ATP13A4: variants seen among roughly 807,000 people sequenced by gnomAD.
The protein encoded by ATP13A4 is ATPase 13A4.
Under a neutral mutation model 142.5 loss-of-function variants are expected in ATP13A4, and 114 were observed. The ratio of observed to expected loss-of-function variants is 0.80; its 90% CI spans 0.69 to 0.93. ATP13A4 has a LOEUF of 0.93. ATP13A4 is among the 40% of genes least tolerant of loss of function. The probability of loss-of-function intolerance (pLI) is 0.00; values close to 1 mark genes in which losing one functional copy is unlikely to be tolerated. For synonymous variants in ATP13A4, 488 were observed against 514.8 expected (o/e 0.95, Z 0.70); for missense variants, 1,392 against 1,454.0 (o/e 0.96, Z 0.69).
intron 28 of ATP13A4, among the ~76,000 whole-genome samples, chr3:193,408,713 C>T (rs569983312): frequency 3.3e-5 from 5 of 152,348 alleles, no homozygotes; most frequent in African/African-American, 1.2e-4. Flanking sequence ...CGTAGAAACT[C>T]CTGATGGGCA....
chr3:193,495,851 T>C (rs138267912), intron 3 of ATP13A4, among the ~76,000 whole-genome samples: 2 of 152,024 alleles, frequency 1.3e-5, no homozygotes, highest in Non-Finnish European at 2.9e-5. Flanking sequence ...TAAAAAAAAC[T>C]AATAAACAAA....
intron 18 of ATP13A4, among the ~76,000 whole-genome samples, chr3:193,443,910 C>A (rs1297787646): frequency 3.3e-5 from 5 of 151,516 alleles, no homozygotes; most frequent in Non-Finnish European, 7.4e-5. Context: ...ACCTGAAGAG[C>A]AGAGAGAAAA....
intron 1 of ATP13A4, among the ~76,000 whole-genome samples, chr3:193,545,636 C>T (rs1387048288): frequency 6.6e-6 from 1 of 152,080 alleles, no homozygotes; most frequent in East Asian, 1.9e-4. Context: ...AAATGGGCAC[C>T]CAAAATGAAT....
At chr3:193,568,343 GA>G (rs1320743636) in intron 2 of ATP13A4, among the ~76,000 whole-genome samples, 3 of 151,986 alleles carry the variant, frequency 2.0e-5, no homozygotes, top group Admixed American at 2.0e-4. Flanking sequence ...TTCTCTAGGG[GA>G]AAAAAATGGA....
intron 2 of ATP13A4, among the ~76,000 whole-genome samples, chr3:193,504,602 C>T (rs1313701399): frequency 1.3e-5 from 2 of 152,142 alleles, no homozygotes; most frequent in Non-Finnish European, 2.9e-5. Context: ...CTCCTGCTTG[C>T]CTCCTCCAGA....
intron 18 of ATP13A4, among the ~76,000 whole-genome samples, chr3:193,445,957 C>CA (rs1716926435): frequency 1.3e-5 from 1 of 74,524 alleles, no homozygotes; most frequent in Non-Finnish European, 2.5e-5. Context: ...GTGGTCTGAA[C>CA]AAACTGGGTG....
chr3:193,538,093 C>A (rs1407415469), intron 1 of ATP13A4, among the ~76,000 whole-genome samples: 1 of 152,098 alleles, frequency 6.6e-6, no homozygotes, highest in Non-Finnish European at 1.5e-5. Flanking sequence ...AAGACATTGC[C>A]AATGGGGGAA....
At chr3:193,423,815 A>C (rs531159785) in intron 25 of ATP13A4, among the ~76,000 whole-genome samples, 1 of 143,064 alleles carries the variant, frequency 7.0e-6, no homozygotes, top group African/African-American at 2.6e-5. Context: ...TAGTACTGGA[A>C]GTCCTAGCCA....
intron 18 of ATP13A4, among the ~76,000 whole-genome samples, chr3:193,444,716 T>C (rs1716841176): frequency 6.6e-6 from 1 of 152,182 alleles, no homozygotes; most frequent in African/African-American, 2.4e-5. Flanking sequence ...AGGAGAGGTA[T>C]GTATGTTGTG....
At chr3:193,409,000 C>T (rs888131414) in intron 28 of ATP13A4, among the ~76,000 whole-genome samples, 1 of 152,094 alleles carries the variant, frequency 6.6e-6, no homozygotes, top group Non-Finnish European at 1.5e-5. Flanking sequence ...GAAGAATATA[C>T]AAAATATGTC....
intron 10 of ATP13A4, among the ~76,000 whole-genome samples, chr3:193,466,723 T>C (rs1172221979): frequency 6.6e-6 from 1 of 152,262 alleles, no homozygotes. Context: ...TTCATGGACA[T>C]AGCAGAAACA....
At chr3:193,506,331 A>C (rs767612732) in intron 2 of ATP13A4, among the ~76,000 whole-genome samples, 6 of 152,214 alleles carry the variant, frequency 3.9e-5, no homozygotes, top group Non-Finnish European at 5.9e-5. Flanking sequence ...TTTACACCTC[A>C]GGTCTCATTG....
chr3:193,419,881 C>A (rs1249942836), intron 25 of ATP13A4, among the ~76,000 whole-genome samples: 1 of 150,154 alleles, frequency 6.7e-6, no homozygotes, highest in Non-Finnish European at 1.5e-5. Flanking sequence ...GATAGCTGTG[C>A]CATTTTGGGT....
At chr3:193,555,125 C>T, upstream of ATP13A4, 1 of 407,182 alleles carries the variant, frequency 2.5e-6, no homozygotes, top group South Asian at 2.1e-5. Flanking sequence ...CATTGCCTGC[C>T]CAGTGCCTGC....
At chr3:193,448,480 T>C in intron 17 of ATP13A4, 150 bp from the exon 18 acceptor site, 1 of 961,854 alleles carries the variant, frequency 1.0e-6, no homozygotes, top group Non-Finnish European at 1.6e-6. Context: ...GGATTATAGG[T>C]GCCCACCACC....
At chr3:193,429,322 G>T (rs769506449) in intron 25 of ATP13A4, among the ~76,000 whole-genome samples, 3 of 152,044 alleles carry the variant, frequency 2.0e-5, no homozygotes, top group African/African-American at 4.8e-5. Flanking sequence ...GTTGAAAACA[G>T]GGACTCAAAA....
At chr3:193,458,868 C>T (rs1717787063) in intron 14 of ATP13A4, 4 of 652,130 alleles carry the variant, frequency 6.1e-6, no homozygotes, top group Non-Finnish European at 1.1e-5. Context: ...ACTGCATCAT[C>T]TCATTTAATC....
intron 14 of ATP13A4, chr3:193,458,741 C>T (rs1309530717): frequency 6.0e-6 from 3 of 496,014 alleles, no homozygotes; most frequent in Non-Finnish European, 1.1e-5. Context: ...ATCTTCGAAA[C>T]CAGACAATGC....
chr3:193,408,203 A>T (rs1714598459), intron 28 of ATP13A4, among the ~76,000 whole-genome samples: 1 of 152,272 alleles, frequency 6.6e-6, no homozygotes, highest in Non-Finnish European at 1.5e-5. Flanking sequence ...AGTTCCATAG[A>T]GGACAGTGTT....
Sources: allele counts gnomAD v4.1 joint callset (sites outside exome capture counted in the v4.1 genomes callset), GRCh38; gene constraint gnomAD v4.1.1; transcripts MANE v1.5; gene names NCBI Gene and HGNC (gene_info 2026-07-23, HGNC 2026-07-21).